Variants in TRAPPC9 observed in about 807,000 individuals in gnomAD.
TRAPPC9 encodes trafficking protein particle complex subunit 9.
TRAPPC9 carries 83 observed loss-of-function variants against 124.0 expected under a neutral mutation model. The observed-to-expected ratio is 0.67, with a 90% confidence interval of 0.56 to 0.80. TRAPPC9 has a LOEUF of 0.80. TRAPPC9 is among the 30% of genes least tolerant of loss of function. TRAPPC9 has a pLI of 0.00. For missense variants in TRAPPC9, 1,302 were observed against 1,508.3 expected (o/e 0.86, Z 2.27); for synonymous variants, 638 against 617.5 (o/e 1.03, Z -0.49).
chr8:140,121,750 C>A (rs1007282489), intron 17 of TRAPPC9, among the ~76,000 whole-genome samples: 2 of 152,206 alleles, frequency 1.3e-5, no homozygotes, highest in Non-Finnish European at 2.9e-5. Context: ...TATTAAAGGG[C>A]TCCTCTGGAG....
rs1449037464 is a variant in TRAPPC9, at chr8:140,104,989, G to C, written c.2557-80910C>G. Among the ~76,000 whole-genome samples the C allele has an allele frequency of 1.3e-5, 2 of 152,038 alleles. No homozygotes were observed. The highest frequency in any genetic ancestry group is 2.9e-5 in the Non-Finnish European group (2 of 68,034). On this transcript the variant is annotated intron_variant, in intron 17 of 22. Coordinates refer to ENST00000438773, the MANE Select transcript of TRAPPC9 (RefSeq NM_001160372.4). The surrounding 1 kb of genome is among the most constrained non-coding windows in gnomAD (Gnocchi z 4.0). The stretch of plus-strand genomic sequence containing the variant: ...CCCACTCAGCAGCAGCCCTGACTGC[G>C]TGGCTCCTGGGACAGCCCAAACGTA...
chr8:139,805,018 C>T (rs971477661), intron 21 of TRAPPC9, among the ~76,000 whole-genome samples: 1 of 152,200 alleles, frequency 6.6e-6, no homozygotes, highest in African/African-American at 2.4e-5. Flanking sequence ...ACTCACTAAG[C>T]CCCCTCCCCT....
chr8:140,409,765 T>C (rs960764129), intron 5 of TRAPPC9, among the ~76,000 whole-genome samples: 2 of 152,062 alleles, frequency 1.3e-5, no homozygotes, highest in Non-Finnish European at 2.9e-5. Flanking sequence ...ATTAAGAACA[T>C]TAATGTGTTT....
chr8:140,221,630 T>A (rs2131322076), intron 16 of TRAPPC9, 47 bp from the exon 17 acceptor site: 1 of 1,583,166 alleles, frequency 6.3e-7, no homozygotes, highest in East Asian at 2.3e-5. Flanking sequence ...AGCTTGGTTT[T>A]GGGGTTTGTT....
chr8:140,058,011 G>A (rs1211415746), intron 17 of TRAPPC9, among the ~76,000 whole-genome samples: 1 of 152,192 alleles, frequency 6.6e-6, no homozygotes, highest in Non-Finnish European at 1.5e-5. Flanking sequence ...CATTCCAGCT[G>A]AGCTTTTGTT....
At chr8:140,113,469 G>A (rs1255183358) in intron 17 of TRAPPC9, among the ~76,000 whole-genome samples, 4 of 152,198 alleles carry the variant, frequency 2.6e-5, no homozygotes, top group Admixed American at 1.3e-4. Flanking sequence ...CAAAAATGTC[G>A]GGTGGTGATT....
chr8:140,049,334 G>C (rs565503442), intron 17 of TRAPPC9, among the ~76,000 whole-genome samples: 5 of 152,148 alleles, frequency 3.3e-5, no homozygotes, highest in African/African-American at 1.2e-4. Context: ...GCTCCCTTCC[G>C]GGCCGAAGTG....
rs75193822 is a variant in TRAPPC9, at chr8:140,027,607, A to T, written c.2557-3528T>A. ...AAACCACAAAAAAGATATAATTATG[A>T]GGGGAAATATCTAATTTAACAAAAT... On this transcript the variant is annotated intron_variant, in intron 17 of 22. Coordinates refer to ENST00000438773, the MANE Select transcript of TRAPPC9 (RefSeq NM_001160372.4). Among the ~76,000 whole-genome samples, 704 of 152,328 alleles carry T rather than the reference A, an allele frequency of 4.6e-3. 6 individuals are homozygous for T. Among genetic ancestry groups the T allele is most frequent in the African/African-American group, 0.016 (662 of 41,582 alleles).
intron 17 of TRAPPC9, among the ~76,000 whole-genome samples, chr8:140,091,500 A>G (rs965655984): frequency 6.6e-6 from 1 of 152,202 alleles, no homozygotes; most frequent in African/African-American, 2.4e-5. Context: ...AAGGAAGGAC[A>G]CTTTGAAAAT....
intron 19 of TRAPPC9, among the ~76,000 whole-genome samples, chr8:139,954,214 A>G (rs1834838555): frequency 6.6e-6 from 1 of 152,110 alleles, no homozygotes; most frequent in African/African-American, 2.4e-5. Flanking sequence ...GATTGTAGCA[A>G]TGGTTTCTTG....
chr8:140,088,142 C>A lies in TRAPPC9; in HGVS notation c.2557-64063G>T, dbSNP rs1225711934. ...TACTCATATTTCTTCCTGGAACTGGCACTCTCAGAAGCTATTTGATTTATT... is the reference window on the plus strand; with the variant it reads ...TACTCATATTTCTTCCTGGAACTGGAACTCTCAGAAGCTATTTGATTTATT... On this transcript the variant is annotated intron_variant, in intron 17 of 22. Transcript: ENST00000438773. Among the ~76,000 whole-genome samples the A allele has an allele frequency of 2.6e-5, 4 of 152,224 alleles. No homozygotes were observed. The South Asian group carries it at 8.3e-4, about 32-fold the overall frequency.
intron 21 of TRAPPC9, among the ~76,000 whole-genome samples, chr8:139,807,920 A>C (rs547397828): frequency 2.6e-5 from 4 of 152,328 alleles, no homozygotes; most frequent in Non-Finnish European, 5.9e-5. Flanking sequence ...GGCTGGACTC[A>C]TAACATGAGA....
At chr8:139,927,941 G>A (rs1832907044) in intron 19 of TRAPPC9, among the ~76,000 whole-genome samples, 2 of 152,212 alleles carry the variant, frequency 1.3e-5, no homozygotes, top group African/African-American at 2.4e-5. Context: ...AGGGGTTGCT[G>A]TGGGACAGAC....
intron 19 of TRAPPC9, among the ~76,000 whole-genome samples, chr8:139,965,316 C>G (rs1476495314): frequency 2.0e-5 from 3 of 152,204 alleles, no homozygotes; most frequent in Non-Finnish European, 4.4e-5. Context: ...TTGGGAGATT[C>G]TCCCCGCATG....
At chr8:140,079,267 A>T (rs1304118903) in intron 17 of TRAPPC9, among the ~76,000 whole-genome samples, 1 of 152,198 alleles carries the variant, frequency 6.6e-6, no homozygotes, top group African/African-American at 2.4e-5. Flanking sequence ...TGTCTTTATT[A>T]GCAGAGTGAG....
chr8:140,430,183 T>C (rs2070588249), intron 4 of TRAPPC9, among the ~76,000 whole-genome samples: 1 of 152,196 alleles, frequency 6.6e-6, no homozygotes, highest in African/African-American at 2.4e-5. Context: ...TACAGTGATT[T>C]TACAAATGTC....
intron 11 of TRAPPC9, among the ~76,000 whole-genome samples, chr8:140,299,594 G>A (rs2065907812): frequency 6.6e-6 from 1 of 152,252 alleles, no homozygotes; most frequent in African/African-American, 2.4e-5. Context: ...TCAAGGTTCT[G>A]TCACAGGACG....
intron 8 of TRAPPC9, among the ~76,000 whole-genome samples, chr8:140,364,606 G>T (rs552379774): frequency 3.0e-4 from 45 of 151,384 alleles, no homozygotes; most frequent in Non-Finnish European, 3.8e-4. Flanking sequence ...TTTTCGAGAC[G>T]GAGTCTCGCT....
chr8:140,157,232 T>TCTC (rs1365075089), intron 17 of TRAPPC9, among the ~76,000 whole-genome samples: 1 of 16,476 alleles, frequency 6.1e-5, no homozygotes, highest in Non-Finnish European at 1.1e-4. Flanking sequence ...AAGCCTCCCT[T>TCTC]TTCCATTCAA....
Sources: gnomAD v4.1 joint callset for allele counts (sites outside exome capture counted in the v4.1 genomes callset) on GRCh38, gnomAD v4.1.1 for gene constraint, Gnocchi (gnomAD v3.1) non-coding constraint, MANE v1.5 for transcripts, NCBI Gene and HGNC (gene_info 2026-07-23, HGNC 2026-07-21) for gene names.